The following EPHA5 variants were observed in gnomAD, a reference collection of about 807,000 sequenced individuals.
EPHA5 encodes the protein EPH receptor A5.
In EPHA5, 60 loss-of-function variants were observed where a neutral mutation model predicts 105.0. That is an observed-to-expected ratio of 0.57 (90% CI 0.46 to 0.71). EPHA5 has a LOEUF of 0.71. Among genes scored for constraint, EPHA5 ranks in the 30% least tolerant of loss-of-function variants. The probability of loss-of-function intolerance (pLI) is 0.00; values close to 1 mark genes in which losing one functional copy is unlikely to be tolerated. For missense variants in EPHA5, 1,218 were observed against 1,274.7 expected (o/e 0.96, Z 0.68); for synonymous variants, 513 against 449.1 (o/e 1.14, Z -1.80).
At chr4:65,442,144 C>T (rs773037082) in intron 5 of EPHA5, among the ~76,000 whole-genome samples, 7 of 152,038 alleles carry the variant, frequency 4.6e-5, no homozygotes, top group Non-Finnish European at 1.0e-4. Context: ...CACAACACCC[C>T]ATCCAAATTC....
intron 3 of EPHA5, among the ~76,000 whole-genome samples, chr4:65,553,205 G>A (rs1483263341): frequency 2.6e-5 from 4 of 152,050 alleles, no homozygotes; most frequent in Non-Finnish European, 2.9e-5. Context: ...TTTACATTAA[G>A]CTCATAGAAA....
intron 3 of EPHA5, chr4:65,573,727 C>A: frequency 6.2e-7 from 1 of 1,601,730 alleles, no homozygotes; most frequent in East Asian, 2.2e-5. Flanking sequence ...AAGGTTCTTG[C>A]AACTGTTACA....
At chr4:65,447,647 C>T (rs990798629) in intron 5 of EPHA5, among the ~76,000 whole-genome samples, 5 of 152,012 alleles carry the variant, frequency 3.3e-5, no homozygotes, top group African/African-American at 1.2e-4. Flanking sequence ...TATCCCATTC[C>T]TTGCCAACAC....
rs376798271 is a variant in EPHA5, at chr4:65,359,721, T to A, written c.2173+5296A>T. On this transcript the variant is annotated intron_variant, in intron 11 of 16. Transcript: ENST00000613740. ...ATGCTAGGTCATTATACTGACCTAATCCATAATGATCTGCGAACAATGTCA... is the reference window on the plus strand; with the variant it reads ...ATGCTAGGTCATTATACTGACCTAAACCATAATGATCTGCGAACAATGTCA... Among the ~76,000 whole-genome samples, 51 of 151,702 alleles carry A rather than the reference T, an allele frequency of 3.4e-4. No homozygotes were observed. The South Asian group carries it at 4.8e-3, about 14-fold the overall frequency.
intron 8 of EPHA5, among the ~76,000 whole-genome samples, chr4:65,402,429 A>G (rs1347625673): frequency 1.3e-5 from 2 of 152,310 alleles, no homozygotes; most frequent in East Asian, 3.9e-4. Flanking sequence ...ATCTAATGTG[A>G]AAGATGCCAC....
chr4:65,515,637 G>A (rs1461014151), intron 3 of EPHA5, among the ~76,000 whole-genome samples: 11 of 152,074 alleles, frequency 7.2e-5, no homozygotes, highest in Admixed American at 6.6e-4. Context: ...CTTGCAGTTA[G>A]TATATAGAAA....
chr4:65,515,470 T>C (rs1734018980), intron 3 of EPHA5, among the ~76,000 whole-genome samples: 2 of 152,104 alleles, frequency 1.3e-5, no homozygotes, highest in Admixed American at 1.3e-4. Flanking sequence ...TCCAATCTAT[T>C]AAGAAGATAC....
At chr4:65,574,647 TATATACAC>T (rs1157161853) in intron 3 of EPHA5, among the ~76,000 whole-genome samples, 1,369 of 116,546 alleles carry the variant, frequency 0.012, 5 homozygotes, top group Non-Finnish European at 0.016. Context: ...TATACACATA[TATATACAC>T]ATATATATAT....
intron 1 of EPHA5, among the ~76,000 whole-genome samples, chr4:65,648,235 T>A (rs1018775982): frequency 3.3e-5 from 5 of 152,242 alleles, no homozygotes; most frequent in Non-Finnish European, 7.3e-5. Flanking sequence ...ATAATACAAA[T>A]ATGTTCTTCA....
chr4:65,587,777 A>G (rs1374201759), intron 3 of EPHA5, among the ~76,000 whole-genome samples: 1 of 151,844 alleles, frequency 6.6e-6, no homozygotes. Context: ...CCGCTACTAC[A>G]TTTTCTCCCT....
At chr4:65,489,257 A>G (rs1731181625) in intron 5 of EPHA5, among the ~76,000 whole-genome samples, 1 of 152,082 alleles carries the variant, frequency 6.6e-6, no homozygotes, top group Non-Finnish European at 1.5e-5. Context: ...GGTATCCAAC[A>G]ATTCAAATTA....
At chr4:65,525,490 T>A (rs1216858827) in intron 3 of EPHA5, among the ~76,000 whole-genome samples, 4 of 151,788 alleles carry the variant, frequency 2.6e-5, no homozygotes, top group African/African-American at 9.7e-5. Flanking sequence ...TTGCTACAAG[T>A]CTCTTCCTGC....
chr4:65,596,162 T>A (rs1743162352), intron 3 of EPHA5, among the ~76,000 whole-genome samples: 1 of 152,190 alleles, frequency 6.6e-6, no homozygotes, highest in South Asian at 2.1e-4. Flanking sequence ...ATCCAGTCCA[T>A]AAACATATCT....
chr4:65,571,139 A>G lies in EPHA5; in HGVS notation c.910+30502T>C, dbSNP rs200102277. On this transcript the variant is annotated intron_variant, in intron 3 of 16. Coordinates refer to ENST00000613740, the MANE Select transcript of EPHA5 (RefSeq NM_001281766.3). ...AAAGTTATTTTCAAAACATTTATTC[A>G]TCTGAGAAAATGATAAGGAAGAAAC... is the stretch of plus-strand genomic sequence containing the variant. Among the ~76,000 whole-genome samples the G allele has an allele frequency of 1.3e-4, 20 of 152,046 alleles. No individual in the cohort carries two copies. In the East Asian group the frequency reaches 3.5e-3, roughly 26 times the overall value.
intron 2 of EPHA5, among the ~76,000 whole-genome samples, chr4:65,633,984 T>G (rs936654287): frequency 6.6e-6 from 1 of 151,956 alleles, no homozygotes; most frequent in African/African-American, 2.4e-5. Flanking sequence ...AGATAGAGGT[T>G]AGGATGGAGG....
chr4:65,496,962 C>A (rs1347237250), intron 3 of EPHA5, among the ~76,000 whole-genome samples: 1 of 152,110 alleles, frequency 6.6e-6, no homozygotes, highest in African/African-American at 2.4e-5. Flanking sequence ...TGAAGTAAAT[C>A]TTTTTATTCT....
At chr4:65,643,497 G>T in intron 1 of EPHA5, 70 bp from the exon 2 acceptor site, 8 of 1,271,876 alleles carry the variant, frequency 6.3e-6, no homozygotes, top group Non-Finnish European at 9.1e-6. Context: ...TATTTTAATA[G>T]TGTTATTAAA....
intron 11 of EPHA5, among the ~76,000 whole-genome samples, chr4:65,363,690 T>C (rs552174342): frequency 2.6e-5 from 4 of 151,702 alleles, no homozygotes; most frequent in African/African-American, 9.6e-5. Context: ...AACTATGTTT[T>C]ATATTAGATA....
chr4:65,337,033 GA>G (rs1308714395), intron 14 of EPHA5, among the ~76,000 whole-genome samples: 7 of 151,774 alleles, frequency 4.6e-5, no homozygotes, highest in African/African-American at 9.7e-5. Flanking sequence ...TTGATAAATG[GA>G]AAAAATGATT....
Sources: gnomAD v4.1 joint callset for allele counts (sites outside exome capture counted in the v4.1 genomes callset) on GRCh38, gnomAD v4.1.1 for gene constraint, MANE v1.5 for transcripts, NCBI Gene and HGNC (gene_info 2026-07-23, HGNC 2026-07-21) for gene names.